Variants in ANKRD44 observed in about 807,000 individuals in gnomAD.
ANKRD44 encodes the protein ankyrin repeat domain 44, also known as serine/threonine-protein phosphatase 6 regulatory ankyrin repeat subunit B.
A neutral mutation model predicts 116.0 loss-of-function variants in ANKRD44; 35 were observed. The ratio of observed to expected loss-of-function variants is 0.30; its 90% CI spans 0.23 to 0.40. The LOEUF is 0.40. Among genes scored for constraint, ANKRD44 ranks in the 10% least tolerant of loss-of-function variants. The pLI is 1.00. For synonymous variants in ANKRD44, 435 were observed against 461.8 expected (o/e 0.94, Z 0.74); for missense variants, 1,014 against 1,242.6 (o/e 0.82, Z 2.77).
At chr2:197,257,595 A>C (rs2712894) in intron 1 of ANKRD44, among the ~76,000 whole-genome samples, 5 of 151,990 alleles carry the variant, frequency 3.3e-5, no homozygotes, top group Non-Finnish European at 7.4e-5. Context: ...TAATTGGATT[A>C]TTTGTAACAC....
intron 1 of ANKRD44, among the ~76,000 whole-genome samples, chr2:197,227,865 T>C (rs2081757501): frequency 6.6e-6 from 1 of 152,190 alleles, no homozygotes; most frequent in Non-Finnish European, 1.5e-5. Flanking sequence ...AAAGAGACAA[T>C]TAAATGTAGA....
chr2:197,180,154 C>T (rs973870400), intron 2 of ANKRD44, among the ~76,000 whole-genome samples: 5 of 151,876 alleles, frequency 3.3e-5, no homozygotes, highest in African/African-American at 1.2e-4. Flanking sequence ...GGGCCCTTGG[C>T]TTCGCAACCA....
chr2:197,119,516 G>C (rs1321253595), intron 8 of ANKRD44, among the ~76,000 whole-genome samples: 1 of 152,074 alleles, frequency 6.6e-6, no homozygotes, highest in Non-Finnish European at 1.5e-5. Flanking sequence ...CCAAGGAGCT[G>C]GGATTACAGG....
In ANKRD44 at chr2:196,988,912, T is replaced by C. The variant is rs1046272801; in HGVS notation, c.*679A>G. ...TTTCTTTGTGCTGCCTTTGTGTATA[T>C]GATCCACTACACATCTGAGTTTTCA... On this transcript the variant is annotated 3_prime_UTR_variant, in exon 28 of 28. Coordinates refer to ENST00000282272, the MANE Select transcript of ANKRD44 (RefSeq NM_001195144.2). 30 of 985,464 alleles carry C rather than the reference T, an allele frequency of 3.0e-5. No individual in the cohort carries two copies. The highest frequency in any genetic ancestry group is 3.6e-5 in the Non-Finnish European group (30 of 829,948). 61.0% of individuals were successfully genotyped at this position (985,464 alleles called of 1,614,324 possible). A position where few individuals can be genotyped will look rare whatever the true frequency, so the allele number is the denominator to read the frequency against.
chr2:197,069,271 G>T (rs558002346), intron 16 of ANKRD44, among the ~76,000 whole-genome samples: 8 of 152,174 alleles, frequency 5.3e-5, no homozygotes, highest in Admixed American at 2.0e-4. Context: ...GACACAGGAA[G>T]GGGAACATCA....
intron 15 of ANKRD44, among the ~76,000 whole-genome samples, chr2:197,079,508 G>A (rs1441521243): frequency 1.3e-5 from 2 of 152,162 alleles, no homozygotes; most frequent in Non-Finnish European, 2.9e-5. Context: ...GAAGGAGCAC[G>A]GCTCCACCTT....
chr2:197,177,716 C>T (rs181040789), intron 2 of ANKRD44, among the ~76,000 whole-genome samples: 1 of 152,142 alleles, frequency 6.6e-6, no homozygotes, highest in Admixed American at 6.6e-5. Flanking sequence ...AATCCCACCA[C>T]CAAGATTCAG....
At chr2:197,164,155 G>T (rs1356307054) in intron 2 of ANKRD44, among the ~76,000 whole-genome samples, 2 of 152,222 alleles carry the variant, frequency 1.3e-5, no homozygotes, top group African/African-American at 4.8e-5. Context: ...CAGAGTTGGT[G>T]GGGAAGTTCC....
intron 3 of ANKRD44, among the ~76,000 whole-genome samples, chr2:197,139,856 G>T (rs894367757): frequency 1.7e-4 from 15 of 88,880 alleles, no homozygotes; most frequent in Middle Eastern, 0.011. Context: ...TTTTGTGTGT[G>T]TGTGTGTGTG....
In ANKRD44 at chr2:197,016,743, C is replaced by CA. The variant is rs141774214; in HGVS notation, c.1723-3032dup. Among the ~76,000 whole-genome samples the CA allele has an allele frequency of 6.1e-3, 928 of 151,568 alleles. 14 individuals are homozygous for CA. The highest frequency in any genetic ancestry group is 0.021 in the African/African-American group (878 of 41,350). On this transcript the variant is annotated intron_variant, in intron 17 of 27. Coordinates refer to ENST00000282272, the MANE Select transcript of ANKRD44 (RefSeq NM_001195144.2). The stretch of plus-strand genomic sequence containing the variant: ...ATGAAAAACAAAAACTCAGAATTCA[C>CA]AAAAAAAAGAAAAGAAAAGCCTGAT...
intron 1 of ANKRD44, among the ~76,000 whole-genome samples, chr2:197,264,425 C>G (rs911999863): frequency 6.6e-6 from 1 of 152,188 alleles, no homozygotes; most frequent in Non-Finnish European, 1.5e-5. Flanking sequence ...CCATTCCTTA[C>G]GCAGAAAGCA....
At chr2:197,310,487 G>A in intron 1 of ANKRD44, 91 bp downstream of exon 1, 1 of 901,774 alleles carries the variant, frequency 1.1e-6, no homozygotes, top group Non-Finnish European at 1.3e-6. Context: ...AACAGCTCGC[G>A]GGCGCGCTCC....
chr2:197,018,708 C>T (rs2076437797), intron 17 of ANKRD44, among the ~76,000 whole-genome samples: 1 of 152,150 alleles, frequency 6.6e-6, no homozygotes, highest in South Asian at 2.1e-4. Context: ...TCATGCCTGG[C>T]ACACAGTAGA....
At chr2:197,278,271 G>T (rs1368259309) in intron 1 of ANKRD44, among the ~76,000 whole-genome samples, 1 of 150,516 alleles carries the variant, frequency 6.6e-6, no homozygotes, top group Admixed American at 6.6e-5. Flanking sequence ...AGTTAACAAT[G>T]AATAGAAATA....
At chr2:197,006,200 TG>T in intron 20 of ANKRD44, among the ~76,000 whole-genome samples, 1 of 152,212 alleles carries the variant, frequency 6.6e-6, no homozygotes, top group South Asian at 2.1e-4. Flanking sequence ...CCCAGCACTT[TG>T]GGAGGCCGAG....
rs571482136 is a variant in ANKRD44, at chr2:197,042,325, C to T, written c.1651-17058G>A. ...CTTTCTGTGAGCTTTTAGACCATAT[C>T]CCAGTCCTACTCCTGTTACCTTGTC... On this transcript the variant is annotated intron_variant, in intron 16 of 27. Transcript: ENST00000282272. Among the ~76,000 whole-genome samples, 3 of 152,206 alleles carry T rather than the reference C, an allele frequency of 2.0e-5. No individual in the cohort carries two copies. In the South Asian group the frequency reaches 6.2e-4, roughly 32 times the overall value.
chr2:197,248,418 C>G (rs1574355602), intron 1 of ANKRD44, among the ~76,000 whole-genome samples: 1 of 151,880 alleles, frequency 6.6e-6, no homozygotes, highest in Admixed American at 6.6e-5. Context: ...GATTTCCTAG[C>G]CTCCATGATC....
chr2:197,106,806 A>ATATTTT (rs35186298), intron 9 of ANKRD44, among the ~76,000 whole-genome samples: 1 of 136,586 alleles, frequency 7.3e-6, no homozygotes, highest in Admixed American at 7.6e-5. Flanking sequence ...ATATATATAT[A>ATATTTT]TTTTTTTTTT....
chr2:197,107,343 G>A lies in ANKRD44; in HGVS notation c.985+3423C>T, dbSNP rs73988094. Among the ~76,000 whole-genome samples the A allele has an allele frequency of 4.2e-3, 646 of 152,252 alleles. 4 individuals carry two copies. Among genetic ancestry groups the A allele is most frequent in the African/African-American group, 0.014 (592 of 41,534 alleles). ...TTTGAACTTGTGTAACCTGCTGGACGGCATCTGAGGGGGGTGCCTAGGGCC... is the reference window on the plus strand; with the variant it reads ...TTTGAACTTGTGTAACCTGCTGGACAGCATCTGAGGGGGGTGCCTAGGGCC... On this transcript the variant is annotated intron_variant, in intron 9 of 27. Coordinates refer to ENST00000282272, the MANE Select transcript of ANKRD44 (RefSeq NM_001195144.2).
Sources: gnomAD v4.1 joint callset for allele counts (sites outside exome capture counted in the v4.1 genomes callset) on GRCh38, gnomAD v4.1.1 for gene constraint, MANE v1.5 for transcripts, NCBI Gene and HGNC (gene_info 2026-07-23, HGNC 2026-07-21) for gene names.